ABCB8: variants seen among roughly 807,000 people sequenced by gnomAD.
ABCB8 encodes mitochondrial potassium channel ATP-binding subunit.
ABCB8 carries 52 observed loss-of-function variants against 73.0 expected under a neutral mutation model. The observed-to-expected ratio is 0.71, with a 90% CI of 0.57 to 0.90. ABCB8 has a LOEUF of 0.90. Ranked by LOEUF, ABCB8 falls within the 40% of genes least tolerant of loss-of-function variation. The pLI is 0.00. For synonymous variants in ABCB8, 428 were observed against 423.5 expected, an observed-to-expected ratio of 1.01 and a Z score of -0.13; for missense variants, 909 against 974.6, an observed-to-expected ratio of 0.93 and a Z score of 0.90.
At chr7:151,044,318 GC>G in intron 15 of ABCB8, 97 bp downstream of exon 15, 1 of 1,525,696 alleles carries the variant, frequency 6.6e-7, no homozygotes, top group Non-Finnish European at 8.8e-7. Context: ...TTGTGGCCTG[GC>G]CCCAGGGCCT....
chr7:151,037,353 C>T lies in ABCB8; in HGVS notation c.1217+704C>T, dbSNP rs1012873700. ...GTGAGCTGCCCTTCCCCATGCCTGC[C>T]ACTTCCAGGGATGACAAGCTGACCC... is the stretch of plus-strand genomic sequence containing the variant. On this transcript the variant is annotated intron_variant, in intron 9 of 15. Transcript: ENST00000358849. The T allele has an allele frequency of 1.3e-4, 88 of 702,080 alleles. No homozygotes were observed. The African/African-American group carries it at 1.4e-3, about 11-fold the overall frequency. The allele number at this position is 702,080 out of a possible 1,614,324, so 43.5% of individuals were successfully genotyped here.
In ABCB8 at chr7:151,044,197, C is replaced by T; in HGVS notation, c.1992C>T (p.Val664=). The T allele has an allele frequency of 6.2e-7, 1 of 1,601,978 alleles. No homozygotes were observed. The highest frequency in any genetic ancestry group is 8.5e-7 in the Non-Finnish European group (1 of 1,169,942). The change falls in exon 15 of 16, where the codon GTC becomes GTT. Residue 664 remains valine (V), a synonymous_variant. Coordinates refer to ENST00000358849, the MANE Select transcript of ABCB8 (RefSeq NM_007188.5). ...STVRGAHCIV[V]MADGRVWEAG... is the part of the protein sequence containing the mutation. ...TCCGTGGGGCCCACTGCATTGTCGT[C>T]ATGGCCGATGGCCGTGTCTGGGAGG...
chr7:151,044,722 A>C (rs887941219), intron 15 of ABCB8, among the ~76,000 whole-genome samples: 3 of 152,224 alleles, frequency 2.0e-5, no homozygotes, highest in African/African-American at 4.8e-5. Flanking sequence ...CCAGCCTGGC[A>C]TCAGAATGAG....
At position 151,033,954 on chromosome 7, in the gene ABCB8, G is replaced by T. The variant is rs1428308959; in HGVS notation, c.408+37G>T. On this transcript the variant is annotated intron_variant, in intron 2 of 15. Coordinates refer to ENST00000358849, the MANE Select transcript of ABCB8 (RefSeq NM_007188.5). The stretch of plus-strand genomic sequence containing the variant: ...CCCACTTCTCCATCCTGGGGACAGG[G>T]CAGGACCCAGAGCTGCAAAGGGATG... The T allele has an allele frequency of 5.2e-6, 8 of 1,540,526 alleles. No individual in the cohort carries two copies. The Admixed American group carries it at 1.5e-4, about 29-fold the overall frequency.
intron 9 of ABCB8, chr7:151,037,628 C>T (rs1796345915): frequency 5.2e-6 from 2 of 385,228 alleles, no homozygotes. Context: ...CGTGCATCAC[C>T]TCTGCCACCC....
At position 151,047,303 on chromosome 7, in the gene ABCB8, G is replaced by C. The variant is rs1005258187; in HGVS notation, c.*1954G>C. On this transcript the variant is annotated 3_prime_UTR_variant, in exon 16 of 16. Transcript: ENST00000358849. ...CGCGCCGTCTTCCTAACCTCGCCTC[G>C]GCCTTCGCTCCACAGTGGAGAGTGG... The C allele has an allele frequency of 6.6e-6, 1 of 152,192 alleles. No homozygotes were observed. Among genetic ancestry groups the C allele is most frequent in the African/African-American group, 2.4e-5 (1 of 41,422 alleles). 9.4% of individuals were successfully genotyped at this position (152,192 alleles called of 1,614,324 possible).
intron 4 of ABCB8, 42 bp from the exon 5 acceptor site, chr7:151,034,682 C>T: frequency 6.2e-7 from 1 of 1,609,174 alleles, no homozygotes; most frequent in African/African-American, 1.3e-5. Flanking sequence ...GAAGTAATGT[C>T]TCCCTCTTCT....
intron 7 of ABCB8, 40 bp from the exon 8 acceptor site, chr7:151,036,033 A>T (rs1226975646): frequency 6.2e-7 from 1 of 1,612,902 alleles, no homozygotes; most frequent in Admixed American, 1.7e-5. Context: ...CCTTCGTGCC[A>T]GCCCAGCTGC....
At chr7:151,037,504 T>C in intron 9 of ABCB8, 1 of 600,164 alleles carries the variant, frequency 1.7e-6, no homozygotes, top group East Asian at 2.8e-5. Flanking sequence ...TCCCCCCTCC[T>C]ATCTCTTTCC....
intron 1 of ABCB8, chr7:151,031,234 C>T (rs752936933): frequency 5.3e-6 from 8 of 1,512,968 alleles, no homozygotes; most frequent in Non-Finnish European, 7.1e-6. Context: ...AATTTCCTGC[C>T]TTTCAGAAAC....
At position 151,031,503 on chromosome 7, in the gene ABCB8, T is replaced by C. The variant is rs553111957; in HGVS notation, c.96-2102T>C. 7.8e-5 allele frequency: 43 copies of C among 549,766 alleles called. No homozygotes were observed. The South Asian group carries it at 8.2e-4, about 10-fold the overall frequency. The allele number at this position is 549,766 out of a possible 1,614,324, so 34.1% of individuals were successfully genotyped here. A position where few individuals can be genotyped will look rare whatever the true frequency, so the allele number is the denominator to read the frequency against. ...GTAAAGAGAAAAGCTCACACTACTC[T>C]TTTTTTAAACCTTTCCCCATCAGTA... On this transcript the variant is annotated intron_variant, in intron 1 of 15. Transcript: ENST00000358849.
chr7:151,034,395 C>T lies in ABCB8; in HGVS notation c.531C>T (p.Leu177=). The part of the protein sequence containing the change: ...VGSFMTESQN[L]STHLLILYGV... ...GTTTCATGACTGAGTCCCAGAATCT[C>T]AGCACCCACCTGCTTATCCTCTATG... The change falls in exon 3 of 16, where the codon CTC becomes CTT. Residue 177 remains leucine, a synonymous_variant. Transcript: ENST00000358849. 1.2e-6 allele frequency: 2 copies of T among 1,613,996 alleles called. No individual in the cohort carries two copies. Among genetic ancestry groups the T allele is most frequent in the East Asian group, 2.2e-5 (1 of 44,878 alleles).
intron 9 of ABCB8, chr7:151,037,070 G>A (rs377524756): frequency 4.9e-4 from 340 of 694,802 alleles, no homozygotes; most frequent in African/African-American, 4.8e-3. Context: ...ACCTGGCAGA[G>A]CGGAAACTAT....
At chr7:151,028,635 A>T in intron 1 of ABCB8, 25 bp downstream of exon 1, 10 of 1,604,526 alleles carry the variant, frequency 6.2e-6, no homozygotes, top group Non-Finnish European at 8.5e-6. Flanking sequence ...ACCTACTCAG[A>T]GCGGGCCATT....
intron 1 of ABCB8, among the ~76,000 whole-genome samples, chr7:151,030,245 G>A (rs577239652): frequency 2.6e-5 from 4 of 152,362 alleles, no homozygotes; most frequent in Non-Finnish European, 5.9e-5. Context: ...GCTGGGCACG[G>A]TGGCTCACGC....
chr7:151,044,968 A>G (rs4148852), intron 15 of ABCB8, among the ~76,000 whole-genome samples: 33,242 of 152,136 alleles, frequency 0.22, 4,000 homozygotes, highest in Admixed American at 0.36. Context: ...TGGGCTCTGT[A>G]AGGGGGACAG....
rs575426628 is a variant in ABCB8, at chr7:151,044,136, G to T, written c.1931G>T (p.Arg644Leu). 3.1e-6 allele frequency: 5 copies of T among 1,613,970 alleles called. No individual in the cohort carries two copies. The South Asian group carries it at 4.4e-5, about 14-fold the overall frequency. The change falls in exon 15 of 16, where the codon CGC (arginine) becomes CTC (leucine). Residue 644 changes from arginine (R) to leucine (L), a missense_variant. Transcript: ENST00000358849. ...GCCCTGGACCGGGCCAGTGCAGGCC[G>T]CACGGTGCTGGTAATTGCCCACCGG... ...QEALDRASAG[R>L]TVLVIAHRLS...
intron 1 of ABCB8, among the ~76,000 whole-genome samples, chr7:151,030,244 G>A (rs1322920269): frequency 1.3e-5 from 2 of 152,202 alleles, no homozygotes; most frequent in African/African-American, 2.4e-5. Flanking sequence ...GGCTGGGCAC[G>A]GTGGCTCACG....
At chr7:151,040,127 G>C in intron 9 of ABCB8, 141 bp from the exon 10 acceptor site, 2 of 931,128 alleles carry the variant, frequency 2.1e-6, no homozygotes, top group Admixed American at 2.7e-5. Context: ...AGGGCTCTAC[G>C]CCCCCATGGT....
Sources: gnomAD v4.1 joint callset for allele counts (sites outside exome capture counted in the v4.1 genomes callset) on GRCh38, gnomAD v4.1.1 for gene constraint, MANE v1.5 for transcripts, NCBI Gene and HGNC (gene_info 2026-07-23, HGNC 2026-07-21) for gene names.